Variants in SLC6A5 observed in about 807,000 individuals in gnomAD.
SLC6A5 encodes the protein sodium- and chloride-dependent glycine transporter 2.
In SLC6A5, 58 loss-of-function variants were observed where a neutral mutation model predicts 90.5. The observed-to-expected ratio is 0.64, with a 90% CI of 0.52 to 0.80. The LOEUF is 0.80. Ranked by LOEUF, SLC6A5 falls within the 30% of genes least tolerant of loss-of-function variation. SLC6A5 has a pLI of 0.00. For synonymous variants in SLC6A5, 427 were observed against 401.4 expected (o/e 1.06, Z -0.76); for missense variants, 1,015 against 1,017.6 (o/e 1.00, Z 0.03).
chr11:20,640,851 G>C (rs920914296), intron 13 of SLC6A5, among the ~76,000 whole-genome samples: 2 of 152,166 alleles, frequency 1.3e-5, no homozygotes, highest in Non-Finnish European at 2.9e-5. Flanking sequence ...AAATGAAACT[G>C]ACTCACTTGA....
intron 14 of SLC6A5, among the ~76,000 whole-genome samples, chr11:20,648,350 A>C (rs145673330): frequency 0.01 from 1,583 of 152,254 alleles, 27 homozygotes; most frequent in African/African-American, 0.036. Flanking sequence ...TAATCAAAAC[A>C]TCTCAATTTC....
chr11:20,621,565 A>G (rs1371832470), intron 7 of SLC6A5, among the ~76,000 whole-genome samples: 1 of 152,238 alleles, frequency 6.6e-6, no homozygotes, highest in Non-Finnish European at 1.5e-5. Flanking sequence ...TTTATTTTAA[A>G]TGAAGAATAC....
At chr11:20,653,761 G>A (rs917413221) in intron 15 of SLC6A5, among the ~76,000 whole-genome samples, 6 of 152,126 alleles carry the variant, frequency 3.9e-5, no homozygotes, top group South Asian at 4.1e-4. Flanking sequence ...CACTTCTGCC[G>A]CACATAAGCC....
At chr11:20,637,348 TG>T in intron 12 of SLC6A5, 45 bp downstream of exon 12, 17 of 1,143,290 alleles carry the variant, frequency 1.5e-5, no homozygotes, top group East Asian at 3.2e-5. Flanking sequence ...GGCAGGAGGG[TG>T]GGGGGCCAAT....
chr11:20,622,238 C>T (rs7942096), intron 7 of SLC6A5, among the ~76,000 whole-genome samples: 64,958 of 152,088 alleles, frequency 0.43, 14,041 homozygotes, highest in South Asian at 0.56. Context: ...TGAGGCATTC[C>T]CAGGATTTAT....
chr11:20,633,915 A>G (rs367853459), intron 10 of SLC6A5, among the ~76,000 whole-genome samples: 10 of 152,172 alleles, frequency 6.6e-5, no homozygotes, highest in African/African-American at 2.2e-4. Context: ...TCTGTCACCC[A>G]GGCTGGAGTG....
rs769718890 is a variant in SLC6A5, at chr11:20,657,127, A to G, written c.*2259A>G. On this transcript the variant is annotated 3_prime_UTR_variant, in exon 16 of 16. Transcript: ENST00000525748. ...TTGGCTCTCCTGTTGCCTCTTGGCT[A>G]AAACTCTGATTGAGCCAATGGTTGC... is the stretch of plus-strand genomic sequence containing the variant. The G allele has an allele frequency of 3.9e-5, 6 of 152,086 alleles. No individual in the cohort carries two copies. Among genetic ancestry groups the G allele is most frequent in the East Asian group, 1.9e-4 (1 of 5,190 alleles). 9.4% of individuals were successfully genotyped at this position (152,086 alleles called of 1,614,324 possible).
Position 20,614,772 on chromosome 11 carries a change from C to T in SLC6A5, c.1079C>T (p.Thr360Ile), listed in dbSNP as rs2133784774. ...AYPNVTMVNF[T>I]SQANKTFVSG... ...CCCAACGTGACAATGGTTAATTTCA[C>T]CAGCCAGGCCAATAAGACATTTGTC... The change falls in exon 6 of 16, where the codon ACC (threonine) becomes ATC (isoleucine). Residue 360 changes from threonine to isoleucine, a missense_variant. By Grantham distance (89) the Thr-to-Ile change is moderately conservative. This residue lies in a region of SLC6A5 where 567 missense variants were observed against 507.3 expected (regional missense o/e 1.12). Transcript: ENST00000525748. 6.2e-7 allele frequency: 1 copy of T among 1,613,940 alleles called. No homozygotes were observed. Among genetic ancestry groups the T allele is most frequent in the Middle Eastern group, 1.7e-4 (1 of 6,060 alleles).
chr11:20,635,398 G>A (rs549937440), intron 10 of SLC6A5, among the ~76,000 whole-genome samples: 4 of 139,410 alleles, frequency 2.9e-5, no homozygotes, highest in Admixed American at 1.4e-4. Context: ...TGTTTCATGC[G>A]CCGCCCCCCC....
chr11:20,655,106 T>C lies in SLC6A5; in HGVS notation c.*238T>C, dbSNP rs994172305. 2 of 539,318 alleles carry C rather than the reference T, an allele frequency of 3.7e-6. No individual in the cohort carries two copies. The highest frequency in any genetic ancestry group is 6.9e-6 in the Non-Finnish European group (2 of 290,764). The allele number at this position is 539,318 out of a possible 1,614,324, so 33.4% of individuals were successfully genotyped here. A position where few individuals can be genotyped will look rare whatever the true frequency, so the allele number is the denominator to read the frequency against. On this transcript the variant is annotated 3_prime_UTR_variant, in exon 16 of 16. Transcript: ENST00000525748. ...CCCATGGTGACTGTTTCTGGTCAGG[T>C]TGGTCCCCTGACCACACGTTTTACC...
At chr11:20,605,800 G>T (rs936735645) in intron 3 of SLC6A5, among the ~76,000 whole-genome samples, 3 of 152,254 alleles carry the variant, frequency 2.0e-5, no homozygotes, top group African/African-American at 7.2e-5. Flanking sequence ...TCAGCCCTCA[G>T]TGCGGGGTGG....
intron 1 of SLC6A5, 72 bp downstream of exon 1, chr11:20,599,747 T>A: frequency 1.3e-6 from 2 of 1,589,362 alleles, no homozygotes; most frequent in South Asian, 2.2e-5. Context: ...TCGTTTTGGC[T>A]ATTTCTTTTG....
intron 4 of SLC6A5, 111 bp downstream of exon 4, chr11:20,607,249 C>T (rs1461999659): frequency 2.9e-6 from 4 of 1,402,586 alleles, no homozygotes; most frequent in South Asian, 1.2e-5. Flanking sequence ...AGAACTAACT[C>T]TTTCCTTCCT....
intron 2 of SLC6A5, among the ~76,000 whole-genome samples, chr11:20,602,498 T>C (rs551937913): frequency 6.6e-6 from 1 of 152,284 alleles, no homozygotes; most frequent in South Asian, 2.1e-4. Flanking sequence ...CCTTCTCTGA[T>C]CTCTTCTTTC....
rs918413532 is a variant in SLC6A5, at chr11:20,604,529, G to A, written c.679+105G>A. 1.9e-5 allele frequency: 27 copies of A among 1,404,966 alleles called. No homozygotes were observed. In the African/African-American group the frequency reaches 3.3e-4, roughly 17 times the overall value. 87.0% of individuals were successfully genotyped at this position (1,404,966 alleles called of 1,614,324 possible). A position where few individuals can be genotyped will look rare whatever the true frequency, so the allele number is the denominator to read the frequency against. On this transcript the variant is annotated intron_variant, in intron 3 of 15. Transcript: ENST00000525748. Reference sequence around the variant, plus strand: ...AGGGCCGCCGGGCGGGGAGGCTCAGGACAGCCTCCTTAGGCTCCAGCCCTA... The same window carrying A: ...AGGGCCGCCGGGCGGGGAGGCTCAGAACAGCCTCCTTAGGCTCCAGCCCTA...
intron 5 of SLC6A5, among the ~76,000 whole-genome samples, chr11:20,611,604 A>C (rs1160041480): frequency 6.6e-6 from 1 of 152,134 alleles, no homozygotes; most frequent in Admixed American, 6.5e-5. Flanking sequence ...GGGGAGATGG[A>C]TTTGAGGTTT....
chr11:20,644,563 C>T (rs532809175), intron 13 of SLC6A5, among the ~76,000 whole-genome samples: 1 of 152,330 alleles, frequency 6.6e-6, no homozygotes, highest in Non-Finnish European at 1.5e-5. Context: ...ATGTCACATC[C>T]TTTGGATATA....
intron 5 of SLC6A5, among the ~76,000 whole-genome samples, chr11:20,610,087 A>T (rs1490486119): frequency 6.6e-6 from 1 of 152,242 alleles, no homozygotes; most frequent in Admixed American, 6.5e-5. Context: ...TAATTAAATG[A>T]TTCCTTTTCT....
chr11:20,633,385 T>C (rs1853142743), intron 10 of SLC6A5, among the ~76,000 whole-genome samples: 1 of 152,252 alleles, frequency 6.6e-6, no homozygotes, highest in South Asian at 2.1e-4. Flanking sequence ...CCCACTTCCA[T>C]GCAGCCATCT....
Sources: allele counts gnomAD v4.1 joint callset (sites outside exome capture counted in the v4.1 genomes callset), GRCh38; gene constraint gnomAD v4.1.1; regional missense constraint gnomAD v4.1.1; transcripts MANE v1.5; gene names NCBI Gene and HGNC (gene_info 2026-07-23, HGNC 2026-07-21).